The following EPM2A variants were observed in gnomAD, a reference collection of about 807,000 sequenced individuals.
EPM2A encodes EPM2A glucan phosphatase, laforin, also known as laforin.
Under a neutral mutation model 26.5 loss-of-function variants are expected in EPM2A, and 21 were observed. That is an observed-to-expected ratio of 0.79 (90% CI 0.56 to 1.14). EPM2A has a LOEUF of 1.14. Ranked by LOEUF, EPM2A falls within the 50% of genes most tolerant of loss-of-function variation. The probability of loss-of-function intolerance (pLI) is 0.00; values close to 1 mark genes in which losing one functional copy is unlikely to be tolerated. For missense variants in EPM2A, 458 were observed against 440.8 expected (o/e 1.04, Z -0.35); for synonymous variants, 217 against 177.6 (o/e 1.22, Z -1.76).
intron 4 of EPM2A, among the ~76,000 whole-genome samples, chr6:145,400,987 AT>A (rs1474985583): frequency 1.3e-5 from 2 of 152,184 alleles, no homozygotes; most frequent in African/African-American, 4.8e-5. Flanking sequence ...AATGAAAAAA[AT>A]ATTAGATTAA....
chr6:145,462,367 T>C (rs913403665), intron 4 of EPM2A, among the ~76,000 whole-genome samples: 1 of 152,084 alleles, frequency 6.6e-6, no homozygotes, highest in Non-Finnish European at 1.5e-5. Flanking sequence ...CCTTTTTGCA[T>C]GAAGTCAAAT....
At chr6:145,517,606 A>C (rs1282741146) in intron 2 of EPM2A, among the ~76,000 whole-genome samples, 1 of 152,238 alleles carries the variant, frequency 6.6e-6, no homozygotes. Flanking sequence ...CAATAGACAT[A>C]CATTACTTCT....
intron 2 of EPM2A, among the ~76,000 whole-genome samples, chr6:145,535,210 T>A (rs1174982682): frequency 6.6e-6 from 1 of 151,406 alleles, no homozygotes. Flanking sequence ...CTCCAGAGAG[T>A]CCATTTGTAA....
intron 2 of EPM2A, among the ~76,000 whole-genome samples, chr6:145,564,092 T>C (rs1562383920): frequency 6.6e-6 from 1 of 152,192 alleles, no homozygotes; most frequent in Non-Finnish European, 1.5e-5. Context: ...ATAGTTGTTA[T>C]GCTCCATTGT....
chr6:145,615,625 T>C (rs1197636729), intron 2 of EPM2A, among the ~76,000 whole-genome samples: 2 of 151,964 alleles, frequency 1.3e-5, no homozygotes, highest in African/African-American at 4.8e-5. Context: ...TGTGGGAAGT[T>C]TGGAACTTCC....
rs41285847 is a variant in EPM2A at position 145,626,412 on chromosome 6, C to T, written c.*1004G>A. 15,338 of 985,866 alleles carry T rather than the reference C, an allele frequency of 0.016. 144 individuals carry two copies. The highest frequency in any genetic ancestry group is 0.017 in the Non-Finnish European group (14,028 of 829,960). The allele number at this position is 985,866 out of a possible 1,614,324, so 61.1% of individuals were successfully genotyped here. ...GTAGTATAGTTCCTCTCATGAATTT[C>T]CACTCTGGTCTTAAAACAGCCCATC... On this transcript the variant is annotated 3_prime_UTR_variant, in exon 4 of 4. Transcript: ENST00000367519.
intron 4 of EPM2A, among the ~76,000 whole-genome samples, chr6:145,447,058 T>A (rs746460148): frequency 2.0e-5 from 3 of 152,164 alleles, no homozygotes; most frequent in Non-Finnish European, 2.9e-5. Flanking sequence ...TACTTTTCAT[T>A]TATTATATGT....
At chr6:145,508,051 C>A (rs1020992308) in intron 2 of EPM2A, among the ~76,000 whole-genome samples, 2 of 152,140 alleles carry the variant, frequency 1.3e-5, no homozygotes, top group Admixed American at 6.5e-5. Flanking sequence ...TGCCAAAGCC[C>A]CCTTGAGTCA....
chr6:145,405,387 G>A (rs567975733), intron 4 of EPM2A, among the ~76,000 whole-genome samples: 8 of 152,120 alleles, frequency 5.3e-5, no homozygotes, highest in Non-Finnish European at 1.2e-4. Flanking sequence ...ATAATTACCA[G>A]ACAGTCCTTT....
At position 145,627,192 on chromosome 6, in the gene EPM2A, G is replaced by A. The variant is rs112508554; in HGVS notation, c.*224C>T. On this transcript the variant is annotated 3_prime_UTR_variant, in exon 4 of 4. Transcript: ENST00000367519. ...GTCTGATGTACAGCCTAACTGCTTC[G>A]TGCTTCTTCTCATGTGTTGAGCCAC... is the stretch of plus-strand genomic sequence containing the variant. The A allele has an allele frequency of 2.2e-4, 319 of 1,427,744 alleles. No individual in the cohort carries two copies. Among genetic ancestry groups the A allele is most frequent in the South Asian group, 1.1e-3 (77 of 67,546 alleles). The allele number at this position is 1,427,744 out of a possible 1,614,324, so 88.4% of individuals were successfully genotyped here. A position where few individuals can be genotyped will look rare whatever the true frequency, so the allele number is the denominator to read the frequency against.
chr6:145,592,217 G>A (rs1419432360), intron 2 of EPM2A, among the ~76,000 whole-genome samples: 1 of 133,900 alleles, frequency 7.5e-6, no homozygotes, highest in Non-Finnish European at 1.5e-5. Flanking sequence ...GTGTCCAAGT[G>A]TTCTCATTGT....
intron 2 of EPM2A, among the ~76,000 whole-genome samples, chr6:145,605,270 TATAAC>T (rs1347195852): frequency 6.6e-6 from 1 of 152,194 alleles, no homozygotes; most frequent in African/African-American, 2.4e-5. Context: ...CCATAAGAGT[TATAAC>T]ATGCCATACT....
chr6:145,488,524 A>T (rs6909877), intron 4 of EPM2A, among the ~76,000 whole-genome samples: 33,587 of 98,734 alleles, frequency 0.34, 4,319 homozygotes, highest in South Asian at 0.45. Context: ...TGTGTGTGTG[A>T]GAGAGAGAGA....
At chr6:145,731,220 A>G (rs764147065) in intron 1 of EPM2A, among the ~76,000 whole-genome samples, 50 of 152,228 alleles carry the variant, frequency 3.3e-4, no homozygotes, top group Non-Finnish European at 7.3e-5. Flanking sequence ...TTTATCCTTA[A>G]CAAAATCTGC....
At chr6:145,687,710 A>G (rs1158099721) in intron 1 of EPM2A, among the ~76,000 whole-genome samples, 1 of 152,298 alleles carries the variant, frequency 6.6e-6, no homozygotes, top group East Asian at 1.9e-4. Context: ...TAAGCTCTCA[A>G]AAAATCCTTA....
intron 4 of EPM2A, chr6:145,491,323 A>G: frequency 2.9e-6 from 1 of 339,160 alleles, no homozygotes; most frequent in East Asian, 7.8e-5. Context: ...AGGAGGGAGC[A>G]TGCAGGTGAG....
At chr6:145,730,649 G>C (rs1270033068) in intron 1 of EPM2A, among the ~76,000 whole-genome samples, 2 of 152,198 alleles carry the variant, frequency 1.3e-5, no homozygotes, top group Non-Finnish European at 2.9e-5. Flanking sequence ...GCTTCTTTCA[G>C]TTTGGTTACA....
intron 2 of EPM2A, among the ~76,000 whole-genome samples, chr6:145,547,249 T>G (rs1780594427): frequency 6.6e-6 from 1 of 152,128 alleles, no homozygotes; most frequent in Non-Finnish European, 1.5e-5. Flanking sequence ...AGCCTTCCTC[T>G]GCCCTCTCCC....
intron 2 of EPM2A, among the ~76,000 whole-genome samples, chr6:145,544,632 G>A (rs1780559497): frequency 6.6e-6 from 1 of 152,106 alleles, no homozygotes; most frequent in Non-Finnish European, 1.5e-5. Flanking sequence ...AAAAGTGATA[G>A]GTTTAGTGCT....
Sources: gnomAD v4.1 joint callset for allele counts (sites outside exome capture counted in the v4.1 genomes callset) on GRCh38, gnomAD v4.1.1 for gene constraint, MANE v1.5 for transcripts, NCBI Gene and HGNC (gene_info 2026-07-23, HGNC 2026-07-21) for gene names.